DNAH9: variants seen among roughly 807,000 people sequenced by gnomAD.
The protein encoded by DNAH9 is dynein axonemal heavy chain 9, also known as DNAH9 variant protein.
In DNAH9, 345 loss-of-function variants were observed where a neutral mutation model predicts 471.6. The ratio of observed to expected loss-of-function variants is 0.73; its 90% CI spans 0.67 to 0.80. DNAH9 has a LOEUF of 0.80. DNAH9 is among the 30% of genes least tolerant of loss of function. The probability of loss-of-function intolerance (pLI) is 0.00; values close to 1 mark genes in which losing one functional copy is unlikely to be tolerated. For missense variants in DNAH9, 5,407 were observed against 5,609.2 expected (o/e 0.96, Z 1.15); for synonymous variants, 2,093 against 2,123.6 (o/e 0.99, Z 0.40).
Position 11,912,025 on chromosome 17 carries a change from C to CT in DNAH9, c.11749+6224dup, listed in dbSNP as rs1231433605. ...TCTTCCTCTTTTATCATTATATGTT[C>CT]TTTTTTTTGTTGAGATGGAGTCTCG... On this transcript the variant is annotated intron_variant, in intron 61 of 68. Transcript: ENST00000262442. Among the ~76,000 whole-genome samples, 7 of 151,892 alleles carry CT rather than the reference C, an allele frequency of 4.6e-5. No homozygotes were observed. In the South Asian group the frequency reaches 6.2e-4, roughly 14 times the overall value.
chr17:11,910,216 C>G (rs1973747670), intron 61 of DNAH9, among the ~76,000 whole-genome samples: 1 of 151,864 alleles, frequency 6.6e-6, no homozygotes, highest in African/African-American at 2.4e-5. Flanking sequence ...GATCACACCA[C>G]TGCACTCCAG....
rs1431289087 is a variant in DNAH9, at chr17:11,649,641, C to CA, written c.2098-1427dup. Among the ~76,000 whole-genome samples, 25 of 152,244 alleles carry CA rather than the reference C, an allele frequency of 1.6e-4. No homozygotes were observed. In the East Asian group the frequency reaches 4.8e-3, roughly 29 times the overall value. On this transcript the variant is annotated intron_variant, in intron 12 of 68. Coordinates refer to ENST00000262442, the MANE Select transcript of DNAH9 (RefSeq NM_001372.4). ...ACTTGTTCTTTAGAAAGATGAAACT[C>CA]AGTCATTTTCCTGCCAACAAGATAC... is the stretch of plus-strand genomic sequence containing the variant.
At chr17:11,958,330 A>G (rs1221062141) in intron 67 of DNAH9, among the ~76,000 whole-genome samples, 2 of 152,224 alleles carry the variant, frequency 1.3e-5, no homozygotes, top group Non-Finnish European at 2.9e-5. Context: ...ATATGATACT[A>G]TAATGGTGGA....
intron 14 of DNAH9, among the ~76,000 whole-genome samples, chr17:11,658,919 G>A (rs188910002): frequency 6.3e-4 from 96 of 151,990 alleles, no homozygotes; most frequent in Middle Eastern, 6.8e-3. Flanking sequence ...ATTTTTGTAC[G>A]TGTGTTTAAG....
chr17:11,610,640 T>G, intron 3 of DNAH9, 86 bp downstream of exon 3: 1 of 1,312,204 alleles, frequency 7.6e-7, no homozygotes, highest in Non-Finnish European at 1.1e-6. Flanking sequence ...TAAGCCACCA[T>G]TGAGCCTATT....
At position 11,644,741 on chromosome 17, in the gene DNAH9, G is replaced by A. The variant is rs113574837; in HGVS notation, c.1970+42G>A. ...ATTGCGTGGGTCTGCAGATTGCACA[G>A]CCTCCATGCTGCCTTTTGCAGCTCC... On this transcript the variant is annotated intron_variant, in intron 11 of 68. Transcript: ENST00000262442. The A allele has an allele frequency of 1.6e-3, 2,245 of 1,384,382 alleles. 42 individuals are homozygous for A. The African/African-American group carries it at 0.027, about 16-fold the overall frequency. The allele number at this position is 1,384,382 out of a possible 1,614,324, so 85.8% of individuals were successfully genotyped here. A position where few individuals can be genotyped will look rare whatever the true frequency, so the allele number is the denominator to read the frequency against.
intron 14 of DNAH9, among the ~76,000 whole-genome samples, chr17:11,657,590 A>G (rs905396477): frequency 6.6e-6 from 1 of 152,010 alleles, no homozygotes; most frequent in African/African-American, 2.4e-5. Flanking sequence ...TGTGGTTAGT[A>G]CTTTTGAGTC....
At chr17:11,904,470 A>G (rs1256227872) in intron 60 of DNAH9, among the ~76,000 whole-genome samples, 1 of 151,844 alleles carries the variant, frequency 6.6e-6, no homozygotes. Flanking sequence ...CTCTACTAAT[A>G]ATACAAAAAT....
At chr17:11,664,253 A>G (rs1410979162) in intron 14 of DNAH9, among the ~76,000 whole-genome samples, 2 of 151,824 alleles carry the variant, frequency 1.3e-5, no homozygotes, top group Admixed American at 6.6e-5. Context: ...TGTAAAAGAG[A>G]AGGCGGGGAG....
At chr17:11,778,329 CAAAAAAAAAAAAAAAAAAA>C (rs57983162) in intron 38 of DNAH9, among the ~76,000 whole-genome samples, 19 of 48,638 alleles carry the variant, frequency 3.9e-4, no homozygotes, top group South Asian at 2.4e-3. Context: ...GACTCCATCT[CAAAAAAAAAAAAAAAAAAA>C]AAAAAAAAAA....
At chr17:11,876,051 G>A (rs970862042) in intron 53 of DNAH9, among the ~76,000 whole-genome samples, 3 of 152,108 alleles carry the variant, frequency 2.0e-5, no homozygotes, top group Non-Finnish European at 4.4e-5. Flanking sequence ...AAGGTTATTG[G>A]TTCCATTTCA....
intron 48 of DNAH9, among the ~76,000 whole-genome samples, chr17:11,829,184 G>T (rs745647397): frequency 2.0e-5 from 3 of 152,174 alleles, no homozygotes; most frequent in Admixed American, 1.3e-4. Context: ...TTAATCTGCA[G>T]TTGTTCCTTT....
chr17:11,847,123 C>A (rs534000181), intron 49 of DNAH9, among the ~76,000 whole-genome samples: 3 of 152,192 alleles, frequency 2.0e-5, no homozygotes, highest in African/African-American at 7.2e-5. Flanking sequence ...TTTGTCAGAT[C>A]CAAGCTTGCA....
intron 59 of DNAH9, among the ~76,000 whole-genome samples, chr17:11,900,494 T>C (rs1271560361): frequency 1.4e-5 from 1 of 70,592 alleles, no homozygotes; most frequent in Non-Finnish European, 3.5e-5. Flanking sequence ...TTCTTGATCC[T>C]TCCCCTGCCA....
chr17:11,640,746 G>C (rs892266325), intron 10 of DNAH9, among the ~76,000 whole-genome samples: 1 of 152,140 alleles, frequency 6.6e-6, no homozygotes, highest in Non-Finnish European at 1.5e-5. Context: ...GAAGCCCAGT[G>C]TTTCCTCAAG....
In DNAH9 at chr17:11,932,006, C is replaced by T. The variant is rs371726697; in HGVS notation, c.12106-8C>T. The T allele has an allele frequency of 2.4e-5, 38 of 1,613,442 alleles. No homozygotes were observed. Among genetic ancestry groups the T allele is most frequent in the Non-Finnish European group, 2.8e-5 (33 of 1,179,612 alleles). ...GTGCGAACCTTAAAAGCGACACTCT[C>T]ATTTCAGGACACTCTGGAGATGTGT... On this transcript the variant is annotated splice_region_variant and splice_polypyrimidine_tract_variant and intron_variant, in intron 63 of 68. Coordinates refer to ENST00000262442, the MANE Select transcript of DNAH9 (RefSeq NM_001372.4). The surrounding 1 kb of genome is among the most constrained non-coding windows in gnomAD (Gnocchi z 4.3).
At position 11,651,158 on chromosome 17, in the gene DNAH9, G is replaced by T; in HGVS notation, c.2187G>T (p.Arg729Ser). The T allele has an allele frequency of 6.2e-7, 1 of 1,614,100 alleles. No individual in the cohort carries two copies. Among genetic ancestry groups the T allele is most frequent in the Non-Finnish European group, 8.5e-7 (1 of 1,180,002 alleles). Residue 729 changes from arginine (R) to serine (S), a missense_variant, in exon 13 of 69, where the codon AGG becomes AGT. By Grantham distance (110) the Arg-to-Ser change is moderately radical (BLOSUM62 -1). Around this residue, in one of 3 missense-constraint regions of DNAH9, gnomAD observed 4,636 missense variants for 4,900.3 expected, o/e 0.95. Transcript: ENST00000262442. ...PETAAAMFSS[R>S]DFYRQLVANL... ...CAGCAGCAGCCATGTTCTCCTCCAGGGATTTCTATCGGCAGCTTGTGGCTA... is the reference window on the plus strand; with the variant it reads ...CAGCAGCAGCCATGTTCTCCTCCAGTGATTTCTATCGGCAGCTTGTGGCTA...
chr17:11,599,556 C>A (rs2072340218), intron 1 of DNAH9, among the ~76,000 whole-genome samples: 1 of 152,148 alleles, frequency 6.6e-6, no homozygotes, highest in Non-Finnish European at 1.5e-5. Flanking sequence ...CCCAGCAGGC[C>A]TTTGGAGGAG....
chr17:11,751,694 G>T (rs1967155966), intron 32 of DNAH9, among the ~76,000 whole-genome samples: 1 of 151,910 alleles, frequency 6.6e-6, no homozygotes, highest in Non-Finnish European at 1.5e-5. Context: ...GATGCCTATT[G>T]TCAACATTAT....
Sources: allele counts gnomAD v4.1 joint callset (sites outside exome capture counted in the v4.1 genomes callset), GRCh38; gene constraint gnomAD v4.1.1; regional missense constraint gnomAD v4.1.1; non-coding constraint Gnocchi (gnomAD v3.1); transcripts MANE v1.5; gene names NCBI Gene and HGNC (gene_info 2026-07-23, HGNC 2026-07-21).